The following ACAP2 variants were observed in gnomAD, a reference collection of about 807,000 sequenced individuals.
ACAP2 encodes the protein ArfGAP with coiled-coil, ankyrin repeat and PH domains 2.
ACAP2 carries 39 observed loss-of-function variants against 115.8 expected under a neutral mutation model. The observed-to-expected ratio is 0.34, with a 90% CI of 0.26 to 0.44. The LOEUF is 0.44. Among genes scored for constraint, ACAP2 ranks in the 20% least tolerant of loss-of-function variants. ACAP2 has a pLI of 1.00. For synonymous variants in ACAP2, 289 were observed against 315.8 expected, an observed-to-expected ratio of 0.92 and a Z score of 0.90; for missense variants, 662 against 927.6, an observed-to-expected ratio of 0.71 and a Z score of 3.72.
Position 195,307,377 on chromosome 3 carries a change from C to A in ACAP2, c.910-54G>T, listed in dbSNP as rs184880130. 3.2e-4 allele frequency: 340 copies of A among 1,051,256 alleles called. 2 individuals carry two copies. The East Asian group carries it at 7.9e-3, about 24-fold the overall frequency. 65.1% of individuals were successfully genotyped at this position (1,051,256 alleles called of 1,614,324 possible). A position where few individuals can be genotyped will look rare whatever the true frequency, so the allele number is the denominator to read the frequency against. On this transcript the variant is annotated intron_variant, in intron 11 of 22. Transcript: ENST00000326793. ...TTTTCCACTTAGGTTTTAATACTACCAATAATGAAATACTTAAAAATATTA... is the reference window on the plus strand; with the variant it reads ...TTTTCCACTTAGGTTTTAATACTACAAATAATGAAATACTTAAAAATATTA...
chr3:195,280,725 A>C (rs761231355), intron 22 of ACAP2: 2 of 152,210 alleles, frequency 1.3e-5, no homozygotes, highest in Non-Finnish European at 2.9e-5. Flanking sequence ...AAATATACAC[A>C]CACATACAGA....
chr3:195,400,488 G>A (rs1712192444), intron 1 of ACAP2, among the ~76,000 whole-genome samples: 2 of 150,232 alleles, frequency 1.3e-5, no homozygotes, highest in Non-Finnish European at 2.9e-5. Context: ...GATCAGATAT[G>A]AAGTTATTCT....
intron 4 of ACAP2, among the ~76,000 whole-genome samples, chr3:195,353,054 T>G (rs1363859551): frequency 6.9e-6 from 1 of 145,730 alleles, no homozygotes; most frequent in Non-Finnish European, 1.5e-5. Context: ...CACTCCAGCC[T>G]GGATGACAGA....
chr3:195,306,684 T>C, intron 12 of ACAP2, 68 bp from the exon 13 acceptor site: 2 of 1,117,986 alleles, frequency 1.8e-6, no homozygotes, highest in Non-Finnish European at 2.6e-6. Flanking sequence ...ATAAGCTTTA[T>C]ATTTTTTCCA....
chr3:195,338,216 C>A (rs1344988816), intron 6 of ACAP2, among the ~76,000 whole-genome samples: 1 of 152,118 alleles, frequency 6.6e-6, no homozygotes, highest in Admixed American at 6.5e-5. Context: ...CTAGTGAGAC[C>A]AGGGTCTTTG....
intron 4 of ACAP2, among the ~76,000 whole-genome samples, chr3:195,371,227 A>G (rs921924055): frequency 1.3e-5 from 2 of 151,910 alleles, no homozygotes; most frequent in African/African-American, 2.4e-5. Context: ...GCCATCTCTG[A>G]TTTCTTTGAG....
At chr3:195,328,471 T>C (rs943784232) in intron 8 of ACAP2, among the ~76,000 whole-genome samples, 1 of 152,190 alleles carries the variant, frequency 6.6e-6, no homozygotes, top group Non-Finnish European at 1.5e-5. Flanking sequence ...AAGTACGTGA[T>C]ACAGGTGGCA....
At chr3:195,305,390 C>A (rs981868185) in intron 13 of ACAP2, among the ~76,000 whole-genome samples, 1 of 152,192 alleles carries the variant, frequency 6.6e-6, no homozygotes, top group Admixed American at 6.5e-5. Flanking sequence ...TTAAAATTCT[C>A]AAGATTATTT....
chr3:195,392,489 A>G (rs551958764), intron 1 of ACAP2, among the ~76,000 whole-genome samples: 2 of 152,244 alleles, frequency 1.3e-5, no homozygotes, highest in African/African-American at 2.4e-5. Flanking sequence ...GGATTTCTTG[A>G]TAACAAAACA....
chr3:195,300,283 G>A (rs1040026581), intron 15 of ACAP2, among the ~76,000 whole-genome samples: 3 of 151,970 alleles, frequency 2.0e-5, no homozygotes, highest in Non-Finnish European at 4.4e-5. Context: ...GACCTCAAGT[G>A]ATCTGCCCAC....
intron 1 of ACAP2, among the ~76,000 whole-genome samples, chr3:195,424,261 G>GGGTGTGTGTGTATA (rs1714450567): frequency 1.8e-5 from 1 of 54,656 alleles, no homozygotes; most frequent in Non-Finnish European, 3.4e-5. Flanking sequence ...GTGTGTGTGT[G>GGGTGTGTGTGTATA]TATATATATA....
intron 2 of ACAP2, among the ~76,000 whole-genome samples, chr3:195,390,524 A>C (rs1171449999): frequency 2.0e-5 from 3 of 152,164 alleles, no homozygotes; most frequent in East Asian, 3.8e-4. Flanking sequence ...CATGGTTTCA[A>C]AACATTTGAA....
chr3:195,403,982 C>T lies in ACAP2; in HGVS notation c.54-11835G>A, dbSNP rs192747987. On this transcript the variant is annotated intron_variant, in intron 1 of 22. Coordinates refer to ENST00000326793, the MANE Select transcript of ACAP2 (RefSeq NM_012287.6). ...TGACTTAAGCTTTGGGGCATTTTGA[C>T]ATTAAAGGTCAGAAGAACAAAAGGA... Among the ~76,000 whole-genome samples the T allele has an allele frequency of 1.4e-4, 22 of 152,260 alleles. No homozygotes were observed. In the East Asian group the frequency reaches 4.2e-3, roughly 29 times the overall value.
chr3:195,348,628 A>C (rs542242382), intron 4 of ACAP2, among the ~76,000 whole-genome samples: 32 of 152,348 alleles, frequency 2.1e-4, no homozygotes, highest in African/African-American at 7.7e-4. Context: ...AAAATACATC[A>C]TGACCGACTG....
chr3:195,306,514 T>C lies in ACAP2; in HGVS notation c.1113A>G (p.Ser371=). The C allele has an allele frequency of 6.2e-7, 1 of 1,602,680 alleles. No individual in the cohort carries two copies. The highest frequency in any genetic ancestry group is 8.5e-7 in the Non-Finnish European group (1 of 1,174,946). Residue 371 remains serine, a synonymous_variant, in exon 13 of 23, where the codon TCA becomes TCG. Transcript: ENST00000326793. ...TATTGCTAATACCTCTACTAACCTC[T>C]GATTCATCACCCTTCTCTCTATAAG... ...ATAYREKGDE[S]EKLDKKSSPS... is the part of the protein sequence containing the mutation.
chr3:195,332,194 G>A (rs1402482715), intron 8 of ACAP2, among the ~76,000 whole-genome samples: 2 of 150,592 alleles, frequency 1.3e-5, no homozygotes, highest in East Asian at 3.9e-4. Context: ...GTGACTGCAT[G>A]AAATGAAAAA....
At chr3:195,337,544 G>A (rs542982884) in intron 6 of ACAP2, among the ~76,000 whole-genome samples, 19 of 151,720 alleles carry the variant, frequency 1.3e-4, no homozygotes, top group Non-Finnish European at 2.5e-4. Flanking sequence ...TGCCTTCTGG[G>A]TTTAAGAAAT....
At chr3:195,295,376 A>AAAAATTTAGGAG in intron 17 of ACAP2, 1 of 871,730 alleles carries the variant, frequency 1.1e-6, no homozygotes, top group South Asian at 1.5e-5. Context: ...GTTACTGGGA[A>AAAAATTTAGGAG]AAAATTTAGG....
chr3:195,432,116 T>G (rs957589820), intron 1 of ACAP2, among the ~76,000 whole-genome samples: 3 of 152,226 alleles, frequency 2.0e-5, no homozygotes, highest in Admixed American at 6.5e-5. Context: ...CAGGTATAAT[T>G]TGCAAATATT....
Sources: allele counts gnomAD v4.1 joint callset (sites outside exome capture counted in the v4.1 genomes callset), GRCh38; gene constraint gnomAD v4.1.1; transcripts MANE v1.5; gene names NCBI Gene and HGNC (gene_info 2026-07-23, HGNC 2026-07-21).